Variants in CADM1 observed in about 807,000 individuals in gnomAD.
CADM1 encodes the protein TSLC-1.
In CADM1, 15 loss-of-function variants were observed where a neutral mutation model predicts 53.1. The observed-to-expected ratio is 0.28, with a 90% CI of 0.19 to 0.44. The LOEUF is 0.44. Ranked by LOEUF, CADM1 falls within the 20% of genes least tolerant of loss-of-function variation. The pLI, the probability that CADM1 is intolerant of heterozygous loss-of-function variation, is 1.00. For synonymous variants in CADM1, 281 were observed against 243.0 expected, an observed-to-expected ratio of 1.16 and a Z score of -1.45; for missense variants, 434 against 611.3, an observed-to-expected ratio of 0.71 and a Z score of 3.06.
chr11:115,326,381 G>A (rs950887639), intron 1 of CADM1, among the ~76,000 whole-genome samples: 5 of 152,118 alleles, frequency 3.3e-5, no homozygotes, highest in African/African-American at 1.2e-4. Flanking sequence ...GTGTATGTGT[G>A]TCATTCAGGG....
At chr11:115,410,615 G>A (rs369752762) in intron 1 of CADM1, among the ~76,000 whole-genome samples, 1 of 151,792 alleles carries the variant, frequency 6.6e-6, no homozygotes, top group Non-Finnish European at 1.5e-5. Flanking sequence ...TACAGATGAC[G>A]GCAAAAAAAG....
intron 1 of CADM1, among the ~76,000 whole-genome samples, chr11:115,355,609 C>A (rs1186642327): frequency 1.3e-5 from 2 of 151,654 alleles, no homozygotes; most frequent in East Asian, 3.9e-4. Flanking sequence ...GTACCTCTGA[C>A]CCTAAAAAAA....
At chr11:115,211,712 A>C (rs1404566156) in intron 7 of CADM1, among the ~76,000 whole-genome samples, 1 of 151,388 alleles carries the variant, frequency 6.6e-6, no homozygotes, top group Non-Finnish European at 1.5e-5. Flanking sequence ...GCTGGTCTCA[A>C]ACTCCTGACC....
chr11:115,261,687 GT>G, intron 1 of CADM1, among the ~76,000 whole-genome samples: 1 of 151,714 alleles, frequency 6.6e-6, no homozygotes, highest in East Asian at 1.9e-4. Context: ...TTCTGAAAAT[GT>G]TACATTGAAA....
intron 1 of CADM1, among the ~76,000 whole-genome samples, chr11:115,400,542 T>C: frequency 6.9e-6 from 1 of 144,428 alleles, no homozygotes; most frequent in South Asian, 2.1e-4. Context: ...AAATCAGACC[T>C]ACATATATAT....
chr11:115,216,361 C>T (rs1397687132), intron 6 of CADM1, among the ~76,000 whole-genome samples: 1 of 152,160 alleles, frequency 6.6e-6, no homozygotes, highest in African/African-American at 2.4e-5. Flanking sequence ...AACGAAGTAC[C>T]TTCTTCAGGG....
intron 1 of CADM1, among the ~76,000 whole-genome samples, chr11:115,279,847 C>T (rs1943540722): frequency 6.6e-6 from 1 of 152,226 alleles, no homozygotes; most frequent in Non-Finnish European, 1.5e-5. Flanking sequence ...TTCCTTCTTA[C>T]ATGTGAAATA....
intron 1 of CADM1, among the ~76,000 whole-genome samples, chr11:115,244,563 A>G (rs932405425): frequency 6.6e-6 from 1 of 152,094 alleles, no homozygotes; most frequent in African/African-American, 2.4e-5. Flanking sequence ...AGAGATGAAA[A>G]ACCTGAGACA....
intron 1 of CADM1, among the ~76,000 whole-genome samples, chr11:115,262,536 AACCTCTGCATGCCACCCTAGGCTGTGAT>A (rs966580319): frequency 6.6e-6 from 1 of 152,134 alleles, no homozygotes; most frequent in Non-Finnish European, 1.5e-5. Flanking sequence ...CACTTATTCA[AACCTCTGCATGCCACCCTAGGCTGTGAT>A]ACAGTTAAAA....
intron 1 of CADM1, among the ~76,000 whole-genome samples, chr11:115,355,335 A>C (rs1276701827): frequency 6.6e-6 from 1 of 152,158 alleles, no homozygotes; most frequent in Non-Finnish European, 1.5e-5. Flanking sequence ...GGAGGCCATT[A>C]TCCTTAGCAA....
chr11:115,445,943 C>A lies in CADM1; in HGVS notation c.124+58328G>T, dbSNP rs567165644. Reference sequence around the variant, plus strand: ...CCAAACTTATCAAATAGATAAACTCCAGGGTGATTATTTACATAAAAAGTA... The same window carrying A: ...CCAAACTTATCAAATAGATAAACTCAAGGGTGATTATTTACATAAAAAGTA... On this transcript the variant is annotated intron_variant, in intron 1 of 11. Transcript: ENST00000331581. 5.0e-4 allele frequency: 119 copies of A among 238,444 alleles called. 1 individual carries two copies. The highest frequency in any genetic ancestry group is 4.7e-3 in the South Asian group (113 of 23,794). The allele number at this position is 238,444 out of a possible 1,614,324, so 14.8% of individuals were successfully genotyped here.
rs1565459924 is a variant in CADM1, at chr11:115,504,373, T to C, written c.22A>G (p.Ser8Gly). The change falls in exon 1 of 12, where the codon AGC becomes GGC. Residue 8 changes from serine (S) to glycine (G), a missense_variant. Ser to Gly is a moderately conservative substitution (Grantham distance 56, BLOSUM62 0). Coordinates refer to ENST00000331581, the MANE Select transcript of CADM1 (RefSeq NM_001301043.2). MASVVLP[S>G]GSQCAAAAAA... The stretch of plus-strand genomic sequence containing the variant: ...GCTGCCGCCGCACACTGGGATCCGC[T>C]CGGCAGCACTACACTCGCCATGTCG... 6.5e-7 allele frequency: 1 copy of C among 1,547,630 alleles called. No homozygotes were observed. Among genetic ancestry groups the C allele is most frequent in the African/African-American group, 1.4e-5 (1 of 73,104 alleles).
chr11:115,173,837 C>T lies in CADM1; in HGVS notation c.*2637G>A. 5 of 982,002 alleles carry T rather than the reference C, an allele frequency of 5.1e-6. No individual in the cohort carries two copies. Among genetic ancestry groups the T allele is most frequent in the Non-Finnish European group, 4.8e-6 (4 of 826,974 alleles). 60.8% of individuals were successfully genotyped at this position (982,002 alleles called of 1,614,324 possible). ...AGGGAAAAATAAGACGTCGGTGTGACTAAAGAACAAGCTTATTTGGCATCA... is the reference window on the plus strand; with the variant it reads ...AGGGAAAAATAAGACGTCGGTGTGATTAAAGAACAAGCTTATTTGGCATCA... On this transcript the variant is annotated 3_prime_UTR_variant, in exon 12 of 12. Transcript: ENST00000331581.
chr11:115,406,713 G>A (rs1348845675), intron 1 of CADM1, among the ~76,000 whole-genome samples: 1 of 151,206 alleles, frequency 6.6e-6, no homozygotes, highest in African/African-American at 2.4e-5. Context: ...TTCGGAGGCC[G>A]AGGCAGGTGG....
chr11:115,374,903 TGACTC>T (rs751120657), intron 1 of CADM1, among the ~76,000 whole-genome samples: 2 of 152,146 alleles, frequency 1.3e-5, no homozygotes, highest in African/African-American at 2.4e-5. Flanking sequence ...ATTTGACTCT[TGACTC>T]AACAAATAAA....
chr11:115,275,276 T>A (rs554576791), intron 1 of CADM1, among the ~76,000 whole-genome samples: 1 of 152,216 alleles, frequency 6.6e-6, no homozygotes, highest in Admixed American at 6.5e-5. Context: ...GGCTGCCCAA[T>A]CAATTCCAAC....
At chr11:115,448,310 T>A (rs764933868) in intron 1 of CADM1, among the ~76,000 whole-genome samples, 11 of 152,150 alleles carry the variant, frequency 7.2e-5, no homozygotes, top group Non-Finnish European at 1.6e-4. Context: ...GGGAAAAGTG[T>A]GAATAAGTTA....
At chr11:115,391,808 G>T (rs963910306) in intron 1 of CADM1, among the ~76,000 whole-genome samples, 2 of 152,140 alleles carry the variant, frequency 1.3e-5, no homozygotes, top group African/African-American at 4.8e-5. Flanking sequence ...GGTGGAGCCT[G>T]ATTAAAGGCA....
At chr11:115,191,077 A>AC in intron 9 of CADM1, 136 bp from the exon 10 acceptor site, 1 of 691,602 alleles carries the variant, frequency 1.4e-6, no homozygotes, top group Non-Finnish European at 2.4e-6. Flanking sequence ...GCATGAATGT[A>AC]TTAATCCATA....
Sources: allele counts gnomAD v4.1 joint callset (sites outside exome capture counted in the v4.1 genomes callset), GRCh38; gene constraint gnomAD v4.1.1; transcripts MANE v1.5; gene names NCBI Gene and HGNC (gene_info 2026-07-23, HGNC 2026-07-21).